XRN2: variants seen among roughly 807,000 people sequenced by gnomAD.
XRN2 encodes the protein DHM1-like protein.
A neutral mutation model predicts 138.5 loss-of-function variants in XRN2; 44 were observed. The ratio of observed to expected loss-of-function variants is 0.32; its 90% CI spans 0.25 to 0.41. The LOEUF (loss-of-function observed/expected upper bound fraction) is 0.41, where lower values mean the gene tolerates loss of function less well. XRN2 is among the 10% of genes least tolerant of loss of function. The pLI is 1.00. For missense variants in XRN2, 937 were observed against 1,169.3 expected (o/e 0.80, Z 2.90); for synonymous variants, 354 against 369.4 (o/e 0.96, Z 0.48).
At chr20:21,326,468 C>T (rs551757662) in intron 2 of XRN2, 22 bp from the exon 3 acceptor site, 115 of 1,613,708 alleles carry the variant, frequency 7.1e-5, no homozygotes, top group Non-Finnish European at 9.0e-5. Context: ...TATTATATTA[C>T]ATTGTTTGGT....
At chr20:21,386,827 A>C in intron 28 of XRN2, 41 bp from the exon 29 acceptor site, 3 of 1,593,722 alleles carry the variant, frequency 1.9e-6, no homozygotes, top group Non-Finnish European at 2.6e-6. Context: ...GTGCTGTATA[A>C]TAGGTGTGGC....
chr20:21,324,418 A>G (rs1568571433), intron 1 of XRN2, among the ~76,000 whole-genome samples: 1 of 151,454 alleles, frequency 6.6e-6, no homozygotes, highest in Non-Finnish European at 1.5e-5. Flanking sequence ...CTTTCATTGC[A>G]TATGTATTCG....
intron 14 of XRN2, 116 bp downstream of exon 14, chr20:21,339,204 G>T (rs1035975920): frequency 7.0e-6 from 7 of 1,007,158 alleles, no homozygotes; most frequent in Non-Finnish European, 8.8e-6. Flanking sequence ...AGGGACGTAA[G>T]TGTCCACCCA....
At chr20:21,314,952 C>T (rs2037937624) in intron 1 of XRN2, among the ~76,000 whole-genome samples, 1 of 152,212 alleles carries the variant, frequency 6.6e-6, no homozygotes, top group Admixed American at 6.5e-5. Flanking sequence ...GCTCAGGAAA[C>T]ATGCCCGGGG....
chr20:21,354,243 A>T (rs926817684), intron 20 of XRN2, among the ~76,000 whole-genome samples: 6 of 152,140 alleles, frequency 3.9e-5, no homozygotes, highest in African/African-American at 1.4e-4. Flanking sequence ...AGTCTTTAAA[A>T]TTTTTTTGTA....
At position 21,339,085 on chromosome 20, in the gene XRN2, G is replaced by A; in HGVS notation, c.1275G>A (p.Met425Ile). Residue 425 changes from methionine to isoleucine, a missense_variant, in exon 14 of 30, where the codon ATG becomes ATA. By Grantham distance (10) the Met-to-Ile change is conservative (BLOSUM62 1). This residue lies in a region of XRN2 where 471 missense variants were observed against 581.2 expected (regional missense o/e 0.81). Coordinates refer to ENST00000377191, the MANE Select transcript of XRN2 (RefSeq NM_012255.5). Reference sequence around the variant, plus strand: ...GACAGAAAGAAAAAAGAAAGAGAATGAAGGTGAGTTTTAATTAATTTCATG... The same window carrying A: ...GACAGAAAGAAAAAAGAAAGAGAATAAAGGTGAGTTTTAATTAATTTCATG... ...RRRQKEKRKR[M>I]KRDQPAFTPS... 6.2e-7 allele frequency: 1 copy of A among 1,605,538 alleles called. No homozygotes were observed. The highest frequency in any genetic ancestry group is 8.5e-7 in the Non-Finnish European group (1 of 1,175,216).
intron 20 of XRN2, among the ~76,000 whole-genome samples, chr20:21,352,337 T>C (rs895354170): frequency 2.6e-5 from 4 of 152,262 alleles, no homozygotes; most frequent in Middle Eastern, 3.4e-3. Flanking sequence ...TGTAATTTTT[T>C]TTTTTTTAAA....
At chr20:21,340,887 G>A (rs1356605346) in intron 15 of XRN2, 35 bp downstream of exon 15, 2 of 1,611,728 alleles carry the variant, frequency 1.2e-6, no homozygotes, top group Non-Finnish European at 1.7e-6. Context: ...ATTTAAGAGT[G>A]GTGAATATCA....
At chr20:21,304,335 G>A (rs2037784340) in intron 1 of XRN2, among the ~76,000 whole-genome samples, 1 of 148,416 alleles carries the variant, frequency 6.7e-6, no homozygotes, top group African/African-American at 2.5e-5. Flanking sequence ...CTGTCACTGT[G>A]AACTTATTTC....
In XRN2 at chr20:21,331,473, C is replaced by T. The variant is rs770852323; in HGVS notation, c.577-88C>T. The T allele has an allele frequency of 9.4e-5, 105 of 1,116,394 alleles. 1 individual carries two copies. Among genetic ancestry groups the T allele is most frequent in the Non-Finnish European group, 1.3e-4 (94 of 750,350 alleles). 69.2% of individuals were successfully genotyped at this position (1,116,394 alleles called of 1,614,324 possible). ...GAAAATTTTCCCGTAACACTTATCTCAGTTTTTCTTGAGACATATAATTCT... is the reference window on the plus strand; with the variant it reads ...GAAAATTTTCCCGTAACACTTATCTTAGTTTTTCTTGAGACATATAATTCT... On this transcript the variant is annotated intron_variant, in intron 6 of 29. Coordinates refer to ENST00000377191, the MANE Select transcript of XRN2 (RefSeq NM_012255.5).
At chr20:21,329,730 A>G (rs1413018412) in intron 4 of XRN2, among the ~76,000 whole-genome samples, 1 of 152,262 alleles carries the variant, frequency 6.6e-6, no homozygotes, top group East Asian at 1.9e-4. Flanking sequence ...TAGGATTTTT[A>G]TATTCCTCTA....
rs181489835 is a variant in XRN2, at chr20:21,365,877, A to T, written c.2456+173A>T. ...ACATATATAATATATAATTATATATAATATTATATAATATATAATTATATA... is the reference window on the plus strand; with the variant it reads ...ACATATATAATATATAATTATATATTATATTATATAATATATAATTATATA... On this transcript the variant is annotated intron_variant, in intron 26 of 29. Transcript: ENST00000377191. 2.9e-4 allele frequency among the ~76,000 whole-genome samples: 25 copies of T among 85,048 alleles called. No individual in the cohort carries two copies. In the South Asian group the frequency reaches 7.0e-3, roughly 24 times the overall value. 55.8% of individuals were successfully genotyped at this position (85,048 alleles called of 152,430 possible).
At chr20:21,381,281 C>T (rs1184937758) in intron 27 of XRN2, among the ~76,000 whole-genome samples, 1 of 152,166 alleles carries the variant, frequency 6.6e-6, no homozygotes, top group Non-Finnish European at 1.5e-5. Context: ...TCACAGCAGA[C>T]CCCGCTGAAG....
At chr20:21,363,066 A>G (rs539790228) in intron 24 of XRN2, among the ~76,000 whole-genome samples, 2 of 152,188 alleles carry the variant, frequency 1.3e-5, no homozygotes, top group African/African-American at 4.8e-5. Context: ...CTCTTGGATG[A>G]TGTTTTCCTT....
intron 1 of XRN2, among the ~76,000 whole-genome samples, chr20:21,314,782 TG>T (rs1249304930): frequency 6.6e-6 from 1 of 152,216 alleles, no homozygotes; most frequent in African/African-American, 2.4e-5. Context: ...TCCACATTTT[TG>T]CTGTGAAGCA....
intron 23 of XRN2, among the ~76,000 whole-genome samples, chr20:21,357,021 A>G (rs2038583914): frequency 1.3e-5 from 2 of 152,234 alleles, no homozygotes; most frequent in South Asian, 2.1e-4. Flanking sequence ...GAGAGTAGCT[A>G]TTAAATAGAT....
chr20:21,331,428 C>T (rs2038206897), intron 6 of XRN2, 133 bp from the exon 7 acceptor site: 14 of 715,172 alleles, frequency 2.0e-5, no homozygotes, highest in Non-Finnish European at 2.7e-5. Flanking sequence ...CACACACACA[C>T]ACACACACAC....
intron 14 of XRN2, 96 bp from the exon 15 acceptor site, chr20:21,340,625 C>T: frequency 2.9e-6 from 4 of 1,391,176 alleles, no homozygotes; most frequent in Non-Finnish European, 3.9e-6. Flanking sequence ...AAAGTGCTTA[C>T]AGTTTGGACT....
chr20:21,355,237 C>T (rs1005054205), intron 21 of XRN2, among the ~76,000 whole-genome samples: 1 of 152,074 alleles, frequency 6.6e-6, no homozygotes, highest in African/African-American at 2.4e-5. Context: ...CTCCTTTCTC[C>T]CCAGTAATAA....
Sources: gnomAD v4.1 joint callset for allele counts (sites outside exome capture counted in the v4.1 genomes callset) on GRCh38, gnomAD v4.1.1 for gene constraint, gnomAD v4.1.1 regional missense constraint, MANE v1.5 for transcripts, NCBI Gene and HGNC (gene_info 2026-07-23, HGNC 2026-07-21) for gene names.